Variants in ADGRG4 observed in about 807,000 individuals in gnomAD.
ADGRG4 encodes adhesion G protein-coupled receptor G4.
A neutral mutation model predicts 126.2 loss-of-function variants in ADGRG4; 122 were observed. The ratio of observed to expected loss-of-function variants is 0.97; its 90% CI spans 0.83 to 1.12. The LOEUF (loss-of-function observed/expected upper bound fraction) is 1.12. ADGRG4 is among the 50% of genes most tolerant of loss of function. The pLI, the probability that ADGRG4 is intolerant of heterozygous loss-of-function variation, is 0.00. For missense variants in ADGRG4, 2,481 were observed against 2,251.8 expected, an observed-to-expected ratio of 1.10 and a Z score of -2.06; for synonymous variants, 943 against 838.7, an observed-to-expected ratio of 1.12 and a Z score of -2.15.
chrX:136,343,951 G>T (rs1391135810), intron 5 of ADGRG4, among the ~76,000 whole-genome samples: 1 of 111,526 alleles, frequency 9.0e-6, no homozygotes, highest in East Asian at 2.8e-4. Context: ...TTGAATCTAA[G>T]GTTGATTTTT....
At position 136,393,811 on chromosome X, in the gene ADGRG4, A is replaced by G. The variant is rs1227825971; in HGVS notation, c.8080+231A>G. On this transcript the variant is annotated intron_variant, in intron 18 of 25. Coordinates refer to ENST00000394143, the MANE Select transcript of ADGRG4 (RefSeq NM_153834.4). The stretch of plus-strand genomic sequence containing the variant: ...TTGGTGCTGGGGCTACAGTGCTCCA[A>G]TCATGCCCAATAACTAATTGCTCCT... 2.7e-5 allele frequency among the ~76,000 whole-genome samples: 3 copies of G among 112,095 alleles called. No individual in the cohort carries two copies. The Admixed American group carries it at 2.9e-4, about 11-fold the overall frequency.
At chrX:136,334,177 G>T (rs1434966148) in intron 5 of ADGRG4, among the ~76,000 whole-genome samples, 1 of 105,205 alleles carries the variant, frequency 9.5e-6, no homozygotes, top group Non-Finnish European at 1.9e-5. Context: ...TTGATGTCCA[G>T]TTGCTTCAGT....
chrX:136,378,888 T>C (rs1204869132), intron 15 of ADGRG4, among the ~76,000 whole-genome samples: 1 of 112,206 alleles, frequency 8.9e-6, no homozygotes, highest in African/African-American at 3.2e-5. Flanking sequence ...ATTTTCTAAG[T>C]GCTTATGTTT....
rs142752594 is a variant in ADGRG4 at position 136,323,312 on chromosome X, A to G, written c.605A>G (p.Asp202Gly). Residue 202 changes from aspartate (D) to glycine (G), a missense_variant, in exon 5 of 26, where the codon GAT becomes GGT. By Grantham distance (94) the Asp-to-Gly change is moderately conservative. Coordinates refer to ENST00000394143, the MANE Select transcript of ADGRG4 (RefSeq NM_153834.4). ...LENEEFMKCL[D>G]GNIVSWEEDV... ...AACGAAGAGTTTATGAAGTGTTTAGATGGAAATATAGTTAGTTGGGAAGAA... is the reference window on the plus strand; with the variant it reads ...AACGAAGAGTTTATGAAGTGTTTAGGTGGAAATATAGTTAGTTGGGAAGAA... 2.6e-4 allele frequency: 315 copies of G among 1,208,161 alleles called. No homozygotes were observed. In the African/African-American group the frequency reaches 5.1e-3, roughly 19 times the overall value.
chrX:136,408,470 T>C (rs1320197050), intron 23 of ADGRG4, among the ~76,000 whole-genome samples: 3 of 112,572 alleles, frequency 2.7e-5, no homozygotes, highest in Non-Finnish European at 5.6e-5. Flanking sequence ...CATGCAGTAC[T>C]TGGTTTTCTG....
Position 136,372,921 on chromosome X carries a change from C to T in ADGRG4, c.7633C>T (p.Arg2545Cys), listed in dbSNP as rs765210618. The T allele has an allele frequency of 4.1e-6, 5 of 1,209,426 alleles. No homozygotes were observed. Among genetic ancestry groups the T allele is most frequent in the Admixed American group, 4.4e-5 (2 of 45,803 alleles). ...TTGCAGAATTCTGAGGATAATTGAG[C>T]GTACTGGTCACAAGATGGAGTTTTC... is the stretch of plus-strand genomic sequence containing the variant. ...ISNEILRIIE[R>C]TGHKMEFSGQ... The change falls in exon 15 of 26, where the codon CGT becomes TGT. Residue 2545 changes from arginine (R) to cysteine (C), a missense_variant. Physicochemically the swap from Arg to Cys is radical, Grantham distance 180. Coordinates refer to ENST00000394143, the MANE Select transcript of ADGRG4 (RefSeq NM_153834.4).
At chrX:136,363,191 G>C (rs780472265) in intron 12 of ADGRG4, among the ~76,000 whole-genome samples, 1 of 111,885 alleles carries the variant, frequency 8.9e-6, no homozygotes, top group African/African-American at 3.2e-5. Context: ...CAGAATCTCT[G>C]TCTTGATGCT....
chrX:136,363,382 C>A lies in ADGRG4; in HGVS notation c.7278-95C>A, dbSNP rs186724938. ...TCTATGCCAGGAGGCTTGGGGCAGG[C>A]GAGGAGAAGGCATGCTAAGGCTATA... On this transcript the variant is annotated intron_variant, in intron 12 of 25. Coordinates refer to ENST00000394143, the MANE Select transcript of ADGRG4 (RefSeq NM_153834.4). 6.5e-6 allele frequency: 4 copies of A among 613,060 alleles called. No homozygotes were observed. In the African/African-American group the frequency reaches 8.8e-5, roughly 13 times the overall value. 50.5% of individuals were successfully genotyped at this position (613,060 alleles called of 1,213,427 possible).
intron 6 of ADGRG4, 62 bp downstream of exon 6, chrX:136,350,495 T>A: frequency 9.3e-7 from 1 of 1,073,640 alleles, no homozygotes; most frequent in South Asian, 2.2e-5. Context: ...GGGTCATGTG[T>A]TCTCCAAAGT....
intron 13 of ADGRG4, among the ~76,000 whole-genome samples, chrX:136,367,318 G>A (rs2075165210): frequency 8.9e-6 from 1 of 112,373 alleles, no homozygotes; most frequent in Non-Finnish European, 1.9e-5. Context: ...AGCAAGCACA[G>A]TTCTGATTAT....
chrX:136,325,996 C>T (rs763015729), intron 5 of ADGRG4, among the ~76,000 whole-genome samples: 4 of 112,341 alleles, frequency 3.6e-5, no homozygotes, highest in African/African-American at 1.3e-4. Flanking sequence ...CAGGCGTGAG[C>T]CAATGCACCC....
chrX:136,344,625 G>A lies in ADGRG4; in HGVS notation c.919G>A (p.Val307Ile), dbSNP rs2075000054. ...MTAQKILKTLVDETATFAVDV... is the reference protein window; with the variant it reads ...MTAQKILKTLIDETATFAVDV... The stretch of plus-strand genomic sequence containing the variant: ...TGCACAAAAAATCTTAAAGACACTG[G>A]TAGATGAGACAGCTACATTTGCAGT... Residue 307 changes from valine (V) to isoleucine (I), a missense_variant, in exon 6 of 26, where the codon GTA (valine) becomes ATA (isoleucine). By Grantham distance (29) the Val-to-Ile change is conservative (BLOSUM62 3). Transcript: ENST00000394143. The A allele has an allele frequency of 8.3e-7, 1 of 1,209,570 alleles. No homozygotes were observed. Among genetic ancestry groups the A allele is most frequent in the Middle Eastern group, 2.3e-4 (1 of 4,345 alleles).
Position 136,348,017 on chromosome X carries a change from A to G in ADGRG4, c.4311A>G (p.Ser1437=). ...CTATGGACATCAATACAACTTTTTC[A>G]CACTTGCATTCACTTAGGACACAAC... ...SNPMDINTTF[S]HLHSLRTQPE... is the part of the protein sequence containing the mutation. Residue 1437 remains serine, a synonymous_variant, in exon 6 of 26, where the codon TCA becomes TCG. Transcript: ENST00000394143. The G allele has an allele frequency of 2.5e-6, 3 of 1,210,495 alleles. No homozygotes were observed. The highest frequency in any genetic ancestry group is 3.4e-6 in the Non-Finnish European group (3 of 894,661).
In ADGRG4 at chrX:136,361,251, A is replaced by C. The variant is rs749521845; in HGVS notation, c.7145-204A>C. ...TATTTAAAAAAAAAACACTCCATAT[A>C]ATGATATTTTCAATAAGGCCTGGTC... On this transcript the variant is annotated intron_variant, in intron 11 of 25. Coordinates refer to ENST00000394143, the MANE Select transcript of ADGRG4 (RefSeq NM_153834.4). Among the ~76,000 whole-genome samples the C allele has an allele frequency of 1.5e-4, 17 of 109,983 alleles. No individual in the cohort carries two copies. The East Asian group carries it at 4.2e-3, about 27-fold the overall frequency.
Position 136,350,233 on chromosome X carries a change from A to T in ADGRG4, c.6527A>T (p.Asp2176Val). The change falls in exon 6 of 26, where the codon GAC becomes GTC. Residue 2176 changes from aspartate to valine, a missense_variant. Coordinates refer to ENST00000394143, the MANE Select transcript of ADGRG4 (RefSeq NM_153834.4). ...STLIIPKPTL[D>V]SLLNIMTTTS... ...TTAATTATTCCTAAGCCCACACTGGACTCCCTTCTAAATATAATGACTACT... is the reference window on the plus strand; with the variant it reads ...TTAATTATTCCTAAGCCCACACTGGTCTCCCTTCTAAATATAATGACTACT... The T allele has an allele frequency of 2.5e-6, 3 of 1,204,340 alleles. No individual in the cohort carries two copies. Among genetic ancestry groups the T allele is most frequent in the Non-Finnish European group, 3.4e-6 (3 of 889,533 alleles).
intron 22 of ADGRG4, among the ~76,000 whole-genome samples, chrX:136,405,299 A>T (rs1384306321): frequency 1.3e-5 from 1 of 79,470 alleles, no homozygotes; most frequent in African/African-American, 4.9e-5. Context: ...CTTAGGTGTA[A>T]GGTGGTGGCG....
chrX:136,357,529 A>G (rs1018720446), intron 9 of ADGRG4, among the ~76,000 whole-genome samples, 175 bp from the exon 10 acceptor site: 42 of 112,164 alleles, frequency 3.7e-4, no homozygotes, highest in African/African-American at 1.1e-3. Flanking sequence ...TGCCCACCCT[A>G]CAGGGTTGGT....
intron 5 of ADGRG4, among the ~76,000 whole-genome samples, chrX:136,341,377 C>G (rs1048514752): frequency 8.9e-6 from 1 of 112,422 alleles, no homozygotes; most frequent in South Asian, 3.7e-4. Flanking sequence ...GTGAACTCTT[C>G]TCTCAACAAT....
intron 20 of ADGRG4, 147 bp from the exon 21 acceptor site, chrX:136,399,701 C>T: frequency 6.3e-6 from 3 of 474,961 alleles, no homozygotes; most frequent in Non-Finnish European, 1.0e-5. Context: ...TCGACTTTAC[C>T]TGGAAAGAGA....
Sources: allele counts gnomAD v4.1 joint callset (sites outside exome capture counted in the v4.1 genomes callset), GRCh38; gene constraint gnomAD v4.1.1; transcripts MANE v1.5; gene names NCBI Gene and HGNC (gene_info 2026-07-23, HGNC 2026-07-21).